Variants in VAT1L observed in about 807,000 individuals in gnomAD.
VAT1L encodes the protein vesicle amine transport 1 like.
VAT1L carries 34 observed loss-of-function variants against 44.1 expected under a neutral mutation model. That is an observed-to-expected ratio of 0.77 (90% CI 0.59 to 1.03). The LOEUF is 1.03. VAT1L is among the 50% of genes least tolerant of loss of function. The pLI is 0.00. For synonymous variants in VAT1L, 253 were observed against 202.2 expected (o/e 1.25, Z -2.13); for missense variants, 615 against 538.8 (o/e 1.14, Z -1.40).
rs774780636 is a variant in VAT1L at position 77,825,309 on chromosome 16, G to C, written c.427G>C (p.Val143Leu). ...CTGGGCAGAGGTGGTCTGCACACCA[G>C]TGGAGTTTGTCTACAAGATCCCGGA... ...NAWAEVVCTP[V>L]EFVYKIPDDM... Residue 143 changes from valine (V) to leucine (L), a missense_variant, in exon 3 of 9, where the codon GTG becomes CTG. Val to Leu is a conservative substitution (Grantham distance 32). Transcript: ENST00000302536. 3 of 1,614,206 alleles carry C rather than the reference G, an allele frequency of 1.9e-6. No individual in the cohort carries two copies. Among genetic ancestry groups the C allele is most frequent in the Non-Finnish European group, 1.7e-6 (2 of 1,180,048 alleles).
chr16:77,920,521 G>A (rs947199722), intron 7 of VAT1L, among the ~76,000 whole-genome samples: 12 of 152,052 alleles, frequency 7.9e-5, no homozygotes, highest in Admixed American at 6.6e-4. Flanking sequence ...ACTGAATATC[G>A]AAATATGTAT....
intron 7 of VAT1L, among the ~76,000 whole-genome samples, chr16:77,928,779 G>T (rs2017696834): frequency 6.6e-6 from 1 of 151,202 alleles, no homozygotes; most frequent in African/African-American, 2.4e-5. Context: ...AATGACTGTT[G>T]AAGTCTTCTA....
intron 1 of VAT1L, among the ~76,000 whole-genome samples, chr16:77,807,474 A>G (rs760071198): frequency 6.6e-6 from 1 of 152,130 alleles, no homozygotes; most frequent in Non-Finnish European, 1.5e-5. Flanking sequence ...TATGTCTGGA[A>G]CTTTGCAAGG....
At chr16:77,908,464 CAAAAA>C (rs11418351) in intron 7 of VAT1L, among the ~76,000 whole-genome samples, 881 of 39,302 alleles carry the variant, frequency 0.022, 6 homozygotes, top group African/African-American at 0.09. Flanking sequence ...GGTTCTGTCT[CAAAAA>C]AAAAAAAAAA....
In VAT1L at chr16:77,825,313, AG is replaced by A; in HGVS notation, c.432del (p.Glu144AspfsTer10). ...AWAEVVCTPV[E>X]FVYKIPDDMS... ...GCAGAGGTGGTCTGCACACCAGTGG[AG>A]TTTGTCTACAAGATCCCGGATGACA... On this transcript the variant is annotated frameshift_variant, in exon 3 of 9. Coordinates refer to ENST00000302536, the MANE Select transcript of VAT1L (RefSeq NM_020927.3). LOFTEE classifies it high-confidence loss of function. 2.5e-6 allele frequency: 4 copies of A among 1,614,094 alleles called. No individual in the cohort carries two copies. Among genetic ancestry groups the A allele is most frequent in the Non-Finnish European group, 3.4e-6 (4 of 1,180,024 alleles).
chr16:77,942,170 G>A (rs1164047480), intron 7 of VAT1L, among the ~76,000 whole-genome samples: 2 of 152,130 alleles, frequency 1.3e-5, no homozygotes, highest in South Asian at 2.1e-4. Context: ...ATGTGGCTGG[G>A]GAGGTCTCAC....
chr16:77,834,358 C>G (rs1297221517), intron 3 of VAT1L, among the ~76,000 whole-genome samples: 2 of 152,190 alleles, frequency 1.3e-5, no homozygotes, highest in Non-Finnish European at 2.9e-5. Flanking sequence ...AGCTGCCCAG[C>G]CAGAGACTGC....
chr16:77,872,233 C>G (rs1409230466), intron 4 of VAT1L, among the ~76,000 whole-genome samples: 1 of 152,096 alleles, frequency 6.6e-6, no homozygotes, highest in East Asian at 1.9e-4. Flanking sequence ...TGAGCCACCC[C>G]TCTCCCCTGC....
At position 77,803,305 on chromosome 16, in the gene VAT1L, G is replaced by A. The variant is rs544179001; in HGVS notation, c.234-13616G>A. 1.2e-4 allele frequency among the ~76,000 whole-genome samples: 19 copies of A among 152,220 alleles called. No individual in the cohort carries two copies. In the South Asian group the frequency reaches 3.1e-3, roughly 25 times the overall value. The stretch of plus-strand genomic sequence containing the variant: ...GTGGCCAAGTGGCTACCATATTGGA[G>A]AGCAGCAAGGACAGAACATTTCCAT... On this transcript the variant is annotated intron_variant, in intron 1 of 8. Coordinates refer to ENST00000302536, the MANE Select transcript of VAT1L (RefSeq NM_020927.3).
intron 7 of VAT1L, among the ~76,000 whole-genome samples, chr16:77,957,825 C>T (rs1271607866): frequency 4.0e-5 from 6 of 151,088 alleles, no homozygotes; most frequent in Admixed American, 2.0e-4. Flanking sequence ...CTACCATTCT[C>T]GTGTGGAATT....
At chr16:77,916,367 C>T (rs373567145) in intron 7 of VAT1L, among the ~76,000 whole-genome samples, 1 of 152,182 alleles carries the variant, frequency 6.6e-6, no homozygotes, top group Admixed American at 6.5e-5. Flanking sequence ...AATTCAGGCC[C>T]TACCTGAGCC....
At chr16:77,799,502 ATGGTGTGTGTG>A (rs2016003277) in intron 1 of VAT1L, among the ~76,000 whole-genome samples, 1 of 129,160 alleles carries the variant, frequency 7.7e-6, no homozygotes, top group African/African-American at 3.0e-5. Context: ...ACTGGAATAC[ATGGTGTGTGTG>A]TGTGTGTGTG....
chr16:77,895,782 C>T (rs775196122), intron 7 of VAT1L, among the ~76,000 whole-genome samples: 3 of 152,236 alleles, frequency 2.0e-5, no homozygotes, highest in African/African-American at 4.8e-5. Flanking sequence ...AGAGTGCCTG[C>T]CTGCTGCGCG....
At chr16:77,953,520 A>G (rs1051972723) in intron 7 of VAT1L, among the ~76,000 whole-genome samples, 5 of 151,874 alleles carry the variant, frequency 3.3e-5, no homozygotes, top group Non-Finnish European at 7.4e-5. Context: ...CAGAACACCT[A>G]TTTACATTTC....
chr16:77,865,797 G>A (rs1043696914), intron 4 of VAT1L, among the ~76,000 whole-genome samples: 2 of 152,158 alleles, frequency 1.3e-5, no homozygotes, highest in African/African-American at 4.8e-5. Flanking sequence ...CAGTGCAGCT[G>A]GCAGGATGTG....
intron 3 of VAT1L, among the ~76,000 whole-genome samples, chr16:77,858,904 G>A (rs895576369): frequency 2.1e-4 from 32 of 152,102 alleles, no homozygotes; most frequent in African/African-American, 5.3e-4. Flanking sequence ...GGGAGGCCGA[G>A]GCGGGCGGGT....
chr16:77,935,940 C>T (rs2017790293), intron 7 of VAT1L, among the ~76,000 whole-genome samples: 1 of 152,104 alleles, frequency 6.6e-6, no homozygotes, highest in Non-Finnish European at 1.5e-5. Context: ...TGGTAGATGC[C>T]TAATAAATAC....
At chr16:77,924,020 G>A (rs143742956) in intron 7 of VAT1L, among the ~76,000 whole-genome samples, 2 of 151,482 alleles carry the variant, frequency 1.3e-5, no homozygotes, top group Non-Finnish European at 2.9e-5. Flanking sequence ...CACACAAGAA[G>A]TTGCATCCCC....
chr16:77,859,889 A>T (rs758252846), intron 3 of VAT1L, among the ~76,000 whole-genome samples: 4 of 152,104 alleles, frequency 2.6e-5, no homozygotes, highest in Admixed American at 6.5e-5. Flanking sequence ...CCAAATTCAT[A>T]TGTTGAAGCC....
Sources: gnomAD v4.1 joint callset for allele counts (sites outside exome capture counted in the v4.1 genomes callset) on GRCh38, gnomAD v4.1.1 for gene constraint, MANE v1.5 for transcripts, NCBI Gene and HGNC (gene_info 2026-07-23, HGNC 2026-07-21) for gene names.